Variants in MDGA2 observed in about 807,000 individuals in gnomAD.
MDGA2 encodes MAM domain-containing glycosylphosphatidylinositol anchor protein 2.
A neutral mutation model predicts 117.8 loss-of-function variants in MDGA2; 40 were observed. The observed-to-expected ratio is 0.34, with a 90% CI of 0.26 to 0.44. The LOEUF is 0.44. MDGA2 is among the 20% of genes least tolerant of loss of function. The probability of loss-of-function intolerance (pLI) is 1.00; values close to 1 mark genes in which losing one functional copy is unlikely to be tolerated. For synonymous variants in MDGA2, 452 were observed against 439.0 expected (o/e 1.03, Z -0.37); for missense variants, 1,123 against 1,250.6 (o/e 0.90, Z 1.54).
chr14:47,430,146 C>T (rs1892770143), intron 1 of MDGA2, among the ~76,000 whole-genome samples: 2 of 151,682 alleles, frequency 1.3e-5, no homozygotes, highest in African/African-American at 4.8e-5. Context: ...ATTATAACAA[C>T]AATGGTAATA....
chr14:47,436,218 G>T (rs1232735469), intron 1 of MDGA2, among the ~76,000 whole-genome samples: 1 of 152,116 alleles, frequency 6.6e-6, no homozygotes, highest in African/African-American at 2.4e-5. Context: ...AGGGATAAAT[G>T]AAAGCTGATA....
intron 1 of MDGA2, among the ~76,000 whole-genome samples, chr14:47,537,572 GTTAAAAAAAAAAAAAAAA>G (rs1895242321): frequency 3.6e-5 from 1 of 27,414 alleles, no homozygotes; most frequent in African/African-American, 1.4e-4. Context: ...CCTTCTCTCT[GTTAAAAAAAAAAAAAAAA>G]AAAAAAAAAA....
At chr14:47,012,320 G>A (rs1244813799) in intron 8 of MDGA2, among the ~76,000 whole-genome samples, 2 of 151,980 alleles carry the variant, frequency 1.3e-5, no homozygotes, top group Non-Finnish European at 2.9e-5. Flanking sequence ...TACACTTCAG[G>A]TGCTGCATTC....
intron 1 of MDGA2, among the ~76,000 whole-genome samples, chr14:47,446,973 A>G (rs2138561160): frequency 6.6e-6 from 1 of 152,284 alleles, no homozygotes; most frequent in East Asian, 1.9e-4. Context: ...TCTAATCATT[A>G]TATTGAATGT....
At chr14:46,981,834 G>C (rs866719381) in intron 8 of MDGA2, among the ~76,000 whole-genome samples, 3 of 152,172 alleles carry the variant, frequency 2.0e-5, no homozygotes, top group African/African-American at 7.2e-5. Context: ...TTCTGAGTCT[G>C]CATTTTTAAT....
At chr14:47,038,159 C>G (rs1888925411) in intron 7 of MDGA2, among the ~76,000 whole-genome samples, 2 of 152,100 alleles carry the variant, frequency 1.3e-5, no homozygotes, top group South Asian at 4.2e-4. Context: ...CTCAAACTCC[C>G]GATCTTAGGT....
At chr14:47,388,825 T>A (rs147495039) in intron 1 of MDGA2, among the ~76,000 whole-genome samples, 2 of 152,256 alleles carry the variant, frequency 1.3e-5, no homozygotes, top group East Asian at 3.9e-4. Flanking sequence ...CAACGCCACT[T>A]TGGCCTGAGT....
At chr14:46,978,008 G>GC (rs1886532156) in intron 8 of MDGA2, among the ~76,000 whole-genome samples, 1 of 151,734 alleles carries the variant, frequency 6.6e-6, no homozygotes. Flanking sequence ...TGGCTTAACA[G>GC]TTTTTTTCAG....
intron 1 of MDGA2, among the ~76,000 whole-genome samples, chr14:47,514,059 C>T (rs1199343978): frequency 6.6e-6 from 1 of 152,088 alleles, no homozygotes; most frequent in African/African-American, 2.4e-5. Flanking sequence ...ACAACAAAGC[C>T]ACCAACAGCA....
chr14:47,193,885 C>T (rs1885197889), intron 3 of MDGA2, among the ~76,000 whole-genome samples: 1 of 152,116 alleles, frequency 6.6e-6, no homozygotes, highest in Non-Finnish European at 1.5e-5. Flanking sequence ...AAAAAGATTT[C>T]CTATAGTGGT....
intron 1 of MDGA2, among the ~76,000 whole-genome samples, chr14:47,568,841 T>A (rs1022925477): frequency 6.6e-6 from 1 of 152,202 alleles, no homozygotes; most frequent in Admixed American, 6.5e-5. Flanking sequence ...TCCAATTTTT[T>A]TTTAAGTTTG....
At chr14:47,033,872 G>A (rs1189488150) in intron 8 of MDGA2, among the ~76,000 whole-genome samples, 1 of 152,120 alleles carries the variant, frequency 6.6e-6, no homozygotes. Flanking sequence ...AAATACATTT[G>A]TCTCATACTT....
At chr14:46,862,999 T>G (rs1160386805) in intron 14 of MDGA2, among the ~76,000 whole-genome samples, 1 of 152,068 alleles carries the variant, frequency 6.6e-6, no homozygotes, top group Non-Finnish European at 1.5e-5. Flanking sequence ...AAAATGTTTT[T>G]AAATTATAGC....
chr14:47,634,329 G>T (rs1399225688), intron 1 of MDGA2, among the ~76,000 whole-genome samples: 1 of 151,918 alleles, frequency 6.6e-6, no homozygotes, highest in Admixed American at 6.6e-5. Flanking sequence ...CAAAATATTT[G>T]ATATAAACTG....
intron 2 of MDGA2, 54 bp downstream of exon 2, chr14:47,301,357 A>G (rs71418153): frequency 0.031 from 47,904 of 1,537,548 alleles, 888 homozygotes; most frequent in Middle Eastern, 0.041. Flanking sequence ...ACACTTTTTG[A>G]CTTCTGAGAA....
chr14:46,936,870 CAAAGA>C (rs1884800988), intron 9 of MDGA2, among the ~76,000 whole-genome samples: 1 of 151,750 alleles, frequency 6.6e-6, no homozygotes, highest in Non-Finnish European at 1.5e-5. Flanking sequence ...ATGTTTTTTT[CAAAGA>C]ACTGGAACAA....
chr14:46,912,859 A>G (rs1883758204), intron 10 of MDGA2, among the ~76,000 whole-genome samples: 1 of 152,172 alleles, frequency 6.6e-6, no homozygotes, highest in Admixed American at 6.5e-5. Flanking sequence ...ACATTGTAAA[A>G]TTAGTTTGTA....
chr14:46,926,341 T>C (rs1884330948), intron 9 of MDGA2, among the ~76,000 whole-genome samples: 1 of 151,926 alleles, frequency 6.6e-6, no homozygotes, highest in African/African-American at 2.4e-5. Flanking sequence ...TAAAACCTAA[T>C]TTAAAACTTC....
intron 2 of MDGA2, among the ~76,000 whole-genome samples, chr14:47,281,364 T>C (rs116981106): frequency 0.024 from 3,662 of 152,300 alleles, 77 homozygotes; most frequent in Non-Finnish European, 0.034. Flanking sequence ...TTAGTGATTA[T>C]ATTTTGATGC....
Sources: gnomAD v4.1 joint callset for allele counts (sites outside exome capture counted in the v4.1 genomes callset) on GRCh38, gnomAD v4.1.1 for gene constraint, MANE v1.5 for transcripts, NCBI Gene and HGNC (gene_info 2026-07-23, HGNC 2026-07-21) for gene names.